The following TMEM87A variants were observed in gnomAD, a reference collection of about 807,000 sequenced individuals.
TMEM87A encodes the protein Golgi-pH regulating cation channel.
TMEM87A carries 50 observed loss-of-function variants against 90.0 expected under a neutral mutation model. That is an observed-to-expected ratio of 0.56 (90% CI 0.44 to 0.70). The LOEUF is 0.70. Among genes scored for constraint, TMEM87A ranks in the 30% least tolerant of loss-of-function variants. TMEM87A has a pLI of 0.00. For missense variants in TMEM87A, 577 were observed against 660.5 expected (o/e 0.87, Z 1.39); for synonymous variants, 226 against 226.7 (o/e 1.00, Z 0.03).
intron 8 of TMEM87A, among the ~76,000 whole-genome samples, chr15:42,239,165 C>T (rs1595725596): frequency 6.6e-6 from 1 of 152,030 alleles, no homozygotes; most frequent in Non-Finnish European, 1.5e-5. Flanking sequence ...TTTAGCCTCC[C>T]GAGTAGCTGG....
rs796346339 is a variant in TMEM87A at position 42,267,875 on chromosome 15, CTA to C, written c.291+70_291+71del. On this transcript the variant is annotated intron_variant, in intron 3 of 19. Transcript: ENST00000389834. ...CCATAGCTACATGATACTCTTTCCT[CTA>C]TGAAATTAAGAGACTGGAACCAGAT... 9.6e-5 allele frequency: 119 copies of C among 1,245,362 alleles called. 1 individual carries two copies. The South Asian group carries it at 1.5e-3, about 16-fold the overall frequency. 77.1% of individuals were successfully genotyped at this position (1,245,362 alleles called of 1,614,324 possible). A position where few individuals can be genotyped will look rare whatever the true frequency, so the allele number is the denominator to read the frequency against.
At position 42,214,854 on chromosome 15, in the gene TMEM87A, A is replaced by C. The variant is rs189016217; in HGVS notation, c.1626+2949T>G. On this transcript the variant is annotated intron_variant, in intron 19 of 19. Coordinates refer to ENST00000389834, the MANE Select transcript of TMEM87A (RefSeq NM_015497.5). ...AAAACAGACCAATGGGACTACATCAAACTAAAAAGCTTCTGCACAGCAAGG... is the reference window on the plus strand; with the variant it reads ...AAAACAGACCAATGGGACTACATCACACTAAAAAGCTTCTGCACAGCAAGG... Among the ~76,000 whole-genome samples the C allele has an allele frequency of 3.2e-4, 49 of 152,320 alleles. No individual in the cohort carries two copies. In the East Asian group the frequency reaches 7.5e-3, roughly 23 times the overall value.
chr15:42,218,463 T>C, intron 17 of TMEM87A, 85 bp from the exon 18 acceptor site: 1 of 1,344,560 alleles, frequency 7.4e-7, no homozygotes, highest in Non-Finnish European at 1.0e-6. Context: ...AAAACTTGTC[T>C]TTCATAATTC....
chr15:42,272,667 T>G (rs2051563722), intron 1 of TMEM87A: 3 of 302,762 alleles, frequency 9.9e-6, no homozygotes, highest in South Asian at 8.5e-5. Context: ...AATGAAAGAC[T>G]AGCCTTACCA....
intron 10 of TMEM87A, among the ~76,000 whole-genome samples, chr15:42,234,643 A>G (rs1175792034): frequency 2.0e-5 from 3 of 152,214 alleles, no homozygotes; most frequent in Non-Finnish European, 4.4e-5. Context: ...GTGATGCTAT[A>G]GCATTACTTA....
intron 2 of TMEM87A, among the ~76,000 whole-genome samples, chr15:42,269,745 G>C (rs2140993347): frequency 6.6e-6 from 1 of 150,592 alleles, no homozygotes; most frequent in East Asian, 2.0e-4. Context: ...GACCATCCTG[G>C]CTAACAAGGT....
Position 42,231,130 on chromosome 15 carries a change from A to G in TMEM87A, c.1131+62T>C, listed in dbSNP as rs775619030. 9.6e-6 allele frequency: 13 copies of G among 1,360,784 alleles called. No homozygotes were observed. The African/African-American group carries it at 1.6e-4, about 16-fold the overall frequency. 84.3% of individuals were successfully genotyped at this position (1,360,784 alleles called of 1,614,324 possible). On this transcript the variant is annotated intron_variant, in intron 12 of 19. Coordinates refer to ENST00000389834, the MANE Select transcript of TMEM87A (RefSeq NM_015497.5). ...ATAAAAACTCTTTGCAGAAAGATCA[A>G]TGGAAACCCATCTCAAGGGGAGAAA...
At chr15:42,237,404 A>T (rs780023757) in intron 9 of TMEM87A, 28 bp downstream of exon 9, 1 of 1,609,998 alleles carries the variant, frequency 6.2e-7, no homozygotes, top group Admixed American at 1.7e-5. Context: ...CAACCACTCG[A>T]ACTGGCAAAG....
At chr15:42,219,235 T>C (rs1053870724) in intron 17 of TMEM87A, among the ~76,000 whole-genome samples, 3 of 152,216 alleles carry the variant, frequency 2.0e-5, no homozygotes, top group African/African-American at 7.2e-5. Context: ...TTCAGGTCCA[T>C]TGCCCATTTT....
At chr15:42,235,388 T>A (rs2050752800) in intron 10 of TMEM87A, among the ~76,000 whole-genome samples, 1 of 152,166 alleles carries the variant, frequency 6.6e-6, no homozygotes, top group Non-Finnish European at 1.5e-5. Flanking sequence ...AACTTTTATC[T>A]CTGCCCCAAC....
intron 6 of TMEM87A, among the ~76,000 whole-genome samples, chr15:42,249,490 C>T (rs899838361): frequency 7.9e-5 from 12 of 152,146 alleles, no homozygotes; most frequent in Non-Finnish European, 1.6e-4. Flanking sequence ...TGTCTTTGTT[C>T]TCATTGGTTT....
At chr15:42,234,051 G>T (rs769957517) in intron 10 of TMEM87A, among the ~76,000 whole-genome samples, 2 of 151,764 alleles carry the variant, frequency 1.3e-5, no homozygotes, top group South Asian at 2.1e-4. Context: ...CCAAGGGCTG[G>T]GATTACAGGC....
intron 8 of TMEM87A, among the ~76,000 whole-genome samples, chr15:42,238,581 T>C (rs189024072): frequency 1.4e-3 from 207 of 151,604 alleles, no homozygotes; most frequent in Non-Finnish European, 2.6e-3. Flanking sequence ...AGATAAAAAA[T>C]AATAAAATAA....
At chr15:42,230,712 G>A (rs943202106) in intron 12 of TMEM87A, among the ~76,000 whole-genome samples, 1 of 152,094 alleles carries the variant, frequency 6.6e-6, no homozygotes, top group Admixed American at 6.5e-5. Context: ...ACTCCATAAG[G>A]GTTAAAACCT....
At position 42,233,274 on chromosome 15, in the gene TMEM87A, A is replaced by G; in HGVS notation, c.1001T>C (p.Val334Ala). The G allele has an allele frequency of 6.2e-7, 1 of 1,614,114 alleles. No homozygotes were observed. The highest frequency in any genetic ancestry group is 8.5e-7 in the Non-Finnish European group (1 of 1,180,006). The change falls in exon 11 of 20, where the codon GTA becomes GCA. Residue 334 changes from valine to alanine, a missense_variant. Transcript: ENST00000389834. Reference sequence around the variant, plus strand: ...CAAAAGATAGAGGGCTCCTGCTACTACAACCTTATGAAGAGTGACTCCAAG... The same window carrying G: ...CAAAAGATAGAGGGCTCCTGCTACTGCAACCTTATGAAGAGTGACTCCAAG... ...PRLGVTLHKV[V>A]VAGALYLLFS...
At chr15:42,264,033 T>C in intron 4 of TMEM87A, 57 bp downstream of exon 4, 2 of 1,412,308 alleles carry the variant, frequency 1.4e-6, no homozygotes, top group Non-Finnish European at 2.0e-6. Flanking sequence ...CAGCCAAAAA[T>C]ATATACATTC....
chr15:42,259,920 T>C (rs1046508138), intron 6 of TMEM87A, among the ~76,000 whole-genome samples: 2 of 152,102 alleles, frequency 1.3e-5, no homozygotes, highest in Non-Finnish European at 2.9e-5. Flanking sequence ...AGAAAGAAAA[T>C]AGATTACTGA....
chr15:42,236,527 T>C, intron 9 of TMEM87A, 108 bp from the exon 10 acceptor site: 2 of 874,958 alleles, frequency 2.3e-6, no homozygotes, highest in Non-Finnish European at 3.7e-6. Context: ...GCATTGATAT[T>C]AGTCCTGCTA....
chr15:42,271,790 A>G (rs765014757), intron 2 of TMEM87A, among the ~76,000 whole-genome samples: 2 of 150,910 alleles, frequency 1.3e-5, no homozygotes, highest in Non-Finnish European at 3.0e-5. Context: ...TATATACAGC[A>G]TATATATTAA....
Sources: gnomAD v4.1 joint callset for allele counts (sites outside exome capture counted in the v4.1 genomes callset) on GRCh38, gnomAD v4.1.1 for gene constraint, MANE v1.5 for transcripts, NCBI Gene and HGNC (gene_info 2026-07-23, HGNC 2026-07-21) for gene names.